The following PHKA2 variants were observed in gnomAD, a reference collection of about 807,000 sequenced individuals.
PHKA2 encodes phosphorylase b kinase regulatory subunit alpha, liver isoform.
A neutral mutation model predicts 102.0 loss-of-function variants in PHKA2; 31 were observed. That is an observed-to-expected ratio of 0.30 (90% CI 0.23 to 0.41). The LOEUF (loss-of-function observed/expected upper bound fraction) is 0.41. Ranked by LOEUF, PHKA2 falls within the 10% of genes least tolerant of loss-of-function variation. The pLI, the probability that PHKA2 is intolerant of heterozygous loss-of-function variation, is 1.00. For synonymous variants in PHKA2, 455 were observed against 416.2 expected, an observed-to-expected ratio of 1.09 and a Z score of -1.13; for missense variants, 858 against 1,023.1, an observed-to-expected ratio of 0.84 and a Z score of 2.20.
chrX:18,965,626 G>C (rs751983695), intron 1 of PHKA2, among the ~76,000 whole-genome samples: 3 of 110,343 alleles, frequency 2.7e-5, no homozygotes, highest in Non-Finnish European at 3.8e-5. Flanking sequence ...GACACGGAAG[G>C]CTACGAGACT....
chrX:18,979,364 C>T (rs1392395894), intron 1 of PHKA2, among the ~76,000 whole-genome samples: 3 of 111,944 alleles, frequency 2.7e-5, no homozygotes, highest in Non-Finnish European at 5.6e-5. Context: ...GTCCCAGTCT[C>T]TTAGTTATTT....
At chrX:18,911,370 G>A (rs767375236) in intron 19 of PHKA2, among the ~76,000 whole-genome samples, 7 of 111,100 alleles carry the variant, frequency 6.3e-5, no homozygotes, top group Non-Finnish European at 1.1e-4. Context: ...ACGGAATTTC[G>A]CCATGTTGGT....
intron 2 of PHKA2, 110 bp downstream of exon 2, chrX:18,954,144 G>A: frequency 1.4e-6 from 1 of 738,988 alleles, no homozygotes; most frequent in Non-Finnish European, 2.1e-6. Context: ...AGAAATAGAG[G>A]AGAGGCCTAC....
chrX:18,941,724 C>T (rs767262425), intron 7 of PHKA2, 49 bp from the exon 8 acceptor site: 3 of 930,093 alleles, frequency 3.2e-6, no homozygotes, highest in South Asian at 3.9e-5. Context: ...CGCTAATAGG[C>T]GCAGTATCTA....
intron 11 of PHKA2, among the ~76,000 whole-genome samples, chrX:18,934,275 G>A (rs2048359531): frequency 8.9e-6 from 1 of 112,381 alleles, no homozygotes; most frequent in Admixed American, 9.4e-5. Context: ...AAGGAACACA[G>A]CCCTAGCAGG....
intron 26 of PHKA2, 137 bp from the exon 27 acceptor site, chrX:18,901,740 C>G (rs1258186264): frequency 1.9e-6 from 1 of 521,497 alleles, no homozygotes; most frequent in East Asian, 3.6e-5. Flanking sequence ...GCACCGAGAG[C>G]AGCACAGGTG....
At chrX:18,939,627 G>A (rs1413847471) in intron 9 of PHKA2, among the ~76,000 whole-genome samples, 1 of 112,057 alleles carries the variant, frequency 8.9e-6, no homozygotes, top group Non-Finnish European at 1.9e-5. Flanking sequence ...CTGAGTAGCT[G>A]GGACTACAGG....
At chrX:18,931,577 C>T in intron 12 of PHKA2, 64 bp downstream of exon 12, 2 of 798,143 alleles carry the variant, frequency 2.5e-6, no homozygotes, top group Non-Finnish European at 3.9e-6. Context: ...TCCCTATGCC[C>T]TTCTGGGGTT....
chrX:18,916,121 A>G (rs2048016409), intron 19 of PHKA2, among the ~76,000 whole-genome samples: 1 of 112,344 alleles, frequency 8.9e-6, no homozygotes, highest in African/African-American at 3.2e-5. Flanking sequence ...TGAAGTATCA[A>G]AAATCAGAAT....
At position 18,907,117 on chromosome X, in the gene PHKA2, GGT is replaced by G; in HGVS notation, c.2518-22_2518-21del. The G allele has an allele frequency of 8.8e-7, 1 of 1,133,793 alleles. No homozygotes were observed. Among genetic ancestry groups the G allele is most frequent in the Non-Finnish European group, 1.2e-6 (1 of 838,457 alleles). 93.4% of individuals were successfully genotyped at this position (1,133,793 alleles called of 1,213,427 possible). A position where few individuals can be genotyped will look rare whatever the true frequency, so the allele number is the denominator to read the frequency against. On this transcript the variant is annotated intron_variant, in intron 22 of 32. Transcript: ENST00000379942. ...GCAGGCCTGCGCAGTTAAGGGGAAGGGTGAGAGGCAGAGCGCGAGAGAGATAC... is the reference window on the plus strand; with the variant it reads ...GCAGGCCTGCGCAGTTAAGGGGAAGGGAGAGGCAGAGCGCGAGAGAGATAC...
chrX:18,912,610 T>TA (rs750621560), intron 19 of PHKA2, among the ~76,000 whole-genome samples: 89 of 87,860 alleles, frequency 1.0e-3, no homozygotes, highest in South Asian at 4.8e-3. Flanking sequence ...CTACTAAAAT[T>TA]AAAAAAAAAA....
intron 17 of PHKA2, among the ~76,000 whole-genome samples, chrX:18,922,717 A>G (rs955130180): frequency 9.0e-6 from 1 of 111,572 alleles, no homozygotes; most frequent in Admixed American, 9.6e-5. Flanking sequence ...GGGGAAGTAG[A>G]GTTGCTATTA....
At position 18,897,205 on chromosome X, in the gene PHKA2, G is replaced by A; in HGVS notation, c.3240C>T (p.Val1080=). ...ACACCCTCTGGTAGAATCCCACGGG[G>A]ACCCTGTTGATGGCCCCATCCAGCC... ...RRRLDGAINR[V]PVGFYQRVWK... The change falls in exon 30 of 33, where the codon GTC becomes GTT. Residue 1080 remains valine (V), a synonymous_variant. Coordinates refer to ENST00000379942, the MANE Select transcript of PHKA2 (RefSeq NM_000292.3). 1.7e-6 allele frequency: 2 copies of A among 1,211,447 alleles called. No individual in the cohort carries two copies. The highest frequency in any genetic ancestry group is 1.1e-6 in the Non-Finnish European group (1 of 895,426).
rs770835480 is a variant in PHKA2, at chrX:18,967,502, C to T, written c.79-13090G>A. Among the ~76,000 whole-genome samples, 38 of 108,041 alleles carry T rather than the reference C, an allele frequency of 3.5e-4. No individual in the cohort carries two copies. The South Asian group carries it at 0.013, about 36-fold the overall frequency. 93.8% of individuals were successfully genotyped at this position (108,041 alleles called of 115,157 possible). On this transcript the variant is annotated intron_variant, in intron 1 of 32. Coordinates refer to ENST00000379942, the MANE Select transcript of PHKA2 (RefSeq NM_000292.3). ...GAGGGGTGGTCCAGTCAAGAGATGA[C>T]GGTGGCTTCGATGAGGGTGGTGACA...
intron 19 of PHKA2, among the ~76,000 whole-genome samples, chrX:18,916,144 G>A (rs772405940): frequency 2.7e-5 from 3 of 112,377 alleles, no homozygotes; most frequent in East Asian, 5.6e-4. Context: ...GCCGGGCACG[G>A]TGGCTCACGC....
At chrX:18,897,583 T>A in intron 29 of PHKA2, 1 of 404,162 alleles carries the variant, frequency 2.5e-6, no homozygotes, top group Non-Finnish European at 4.3e-6. Context: ...CCCCCAAAGC[T>A]AGAACCCATA....
intron 19 of PHKA2, chrX:18,915,532 T>A (rs1165202388): frequency 9.6e-6 from 1 of 103,856 alleles, no homozygotes; most frequent in Non-Finnish European, 2.0e-5. Context: ...CCACCACGCC[T>A]GGCTAATCTT....
In PHKA2 at chrX:18,962,359, G is replaced by C. The variant is rs2048883020; in HGVS notation, c.79-7947C>G. Among the ~76,000 whole-genome samples, 3 of 112,022 alleles carry C rather than the reference G, an allele frequency of 2.7e-5. No individual in the cohort carries two copies. In the South Asian group the frequency reaches 1.1e-3, roughly 41 times the overall value. On this transcript the variant is annotated intron_variant, in intron 1 of 32. Coordinates refer to ENST00000379942, the MANE Select transcript of PHKA2 (RefSeq NM_000292.3). Reference sequence around the variant, plus strand: ...ATGCCAAGGACTTGGACAATAGATTGAAACAAACTAAACAGCATTCAACAA... The same window carrying C: ...ATGCCAAGGACTTGGACAATAGATTCAAACAAACTAAACAGCATTCAACAA...
At chrX:18,912,065 G>A (rs1275861942) in intron 19 of PHKA2, among the ~76,000 whole-genome samples, 2 of 111,933 alleles carry the variant, frequency 1.8e-5, no homozygotes, top group African/African-American at 3.3e-5. Context: ...CTGTCTTCCA[G>A]GCTATATCAT....
Sources: allele counts gnomAD v4.1 joint callset (sites outside exome capture counted in the v4.1 genomes callset), GRCh38; gene constraint gnomAD v4.1.1; transcripts MANE v1.5; gene names NCBI Gene and HGNC (gene_info 2026-07-23, HGNC 2026-07-21).